Variants in CFAP47 observed in about 807,000 individuals in gnomAD.
CFAP47 encodes cilia- and flagella-associated protein 47.
CFAP47 carries 29 observed loss-of-function variants against 148.1 expected under a neutral mutation model. The ratio of observed to expected loss-of-function variants is 0.20; its 90% CI spans 0.15 to 0.27. The LOEUF (loss-of-function observed/expected upper bound fraction) is 0.27. Among genes scored for constraint, CFAP47 ranks in the 10% least tolerant of loss-of-function variants. The pLI is 1.00. For synonymous variants in CFAP47, 664 were observed against 577.3 expected, an observed-to-expected ratio of 1.15 and a Z score of -2.15; for missense variants, 1,872 against 1,697.5, an observed-to-expected ratio of 1.10 and a Z score of -1.81.
chrX:36,287,391 C>T (rs781877173), intron 51 of CFAP47, among the ~76,000 whole-genome samples: 1 of 111,046 alleles, frequency 9.0e-6, no homozygotes, highest in East Asian at 2.8e-4. Flanking sequence ...ATGTGTAACT[C>T]GTCTTACGCA....
intron 57 of CFAP47, among the ~76,000 whole-genome samples, chrX:36,341,486 G>T (rs1941653078): frequency 9.0e-6 from 1 of 111,146 alleles, no homozygotes; most frequent in African/African-American, 3.3e-5. Context: ...TGCCCAAGTT[G>T]AAATAATTTT....
chrX:36,027,330 G>A (rs867353132), intron 22 of CFAP47, among the ~76,000 whole-genome samples: 24 of 108,558 alleles, frequency 2.2e-4, no homozygotes, highest in African/African-American at 4.7e-4. Flanking sequence ...TTCAACCCTC[G>A]CCATCTCACA....
chrX:36,249,890 G>A (rs1470132523), intron 48 of CFAP47, among the ~76,000 whole-genome samples: 1 of 111,483 alleles, frequency 9.0e-6, no homozygotes, highest in Non-Finnish European at 1.9e-5. Flanking sequence ...AGTGTTTGAA[G>A]ATTCCTAGAA....
rs139622369 is a variant in CFAP47 at position 36,225,888 on chromosome X, A to T, written c.6818-2740A>T. 2.0e-3 allele frequency among the ~76,000 whole-genome samples: 226 copies of T among 111,111 alleles called. 1 individual carries two copies. Among genetic ancestry groups the T allele is most frequent in the African/African-American group, 6.9e-3 (211 of 30,628 alleles). ...TCTGGTCTTGAGAGCAAGTAGTTTGAGAGGTGATCCCAAAGCATAGGTAGG... is the reference window on the plus strand; with the variant it reads ...TCTGGTCTTGAGAGCAAGTAGTTTGTGAGGTGATCCCAAAGCATAGGTAGG... On this transcript the variant is annotated intron_variant, in intron 45 of 63. Transcript: ENST00000378653.
At chrX:36,107,428 A>C (rs979382582) in intron 33 of CFAP47, among the ~76,000 whole-genome samples, 2 of 112,543 alleles carry the variant, frequency 1.8e-5, no homozygotes, top group African/African-American at 3.2e-5. Context: ...CCAAGCTTTA[A>C]ATCCTATGTG....
intron 22 of CFAP47, among the ~76,000 whole-genome samples, chrX:36,015,561 C>T (rs1466303721): frequency 1.8e-5 from 2 of 111,180 alleles, no homozygotes; most frequent in African/African-American, 6.5e-5. Flanking sequence ...AGTATCATAT[C>T]AGTTAATAAT....
chrX:36,171,551 A>G (rs376397994), intron 39 of CFAP47, among the ~76,000 whole-genome samples: 2 of 108,835 alleles, frequency 1.8e-5, no homozygotes, highest in Non-Finnish European at 3.8e-5. Flanking sequence ...TTATTAAATA[A>G]GGAATCCTTT....
intron 45 of CFAP47, among the ~76,000 whole-genome samples, chrX:36,227,240 G>A (rs1271681479): frequency 9.0e-6 from 1 of 111,390 alleles, no homozygotes; most frequent in Non-Finnish European, 1.9e-5. Flanking sequence ...AACATTCTGA[G>A]AGCCTTTGAG....
At position 36,180,059 on chromosome X, in the gene CFAP47, G is replaced by A. The variant is rs367889471; in HGVS notation, c.6104+637G>A. 3.9e-4 allele frequency among the ~76,000 whole-genome samples: 44 copies of A among 111,551 alleles called. 1 individual carries two copies. The South Asian group carries it at 0.013, about 32-fold the overall frequency. ...GAGAACTTTTCACCACTCTGTGCACGTCCTTTAACACCATGAACGCACCAT... is the reference window on the plus strand; with the variant it reads ...GAGAACTTTTCACCACTCTGTGCACATCCTTTAACACCATGAACGCACCAT... On this transcript the variant is annotated intron_variant, in intron 40 of 63. Coordinates refer to ENST00000378653, the MANE Select transcript of CFAP47 (RefSeq NM_001304548.2).
intron 46 of CFAP47, among the ~76,000 whole-genome samples, chrX:36,230,381 T>C (rs1602057205): frequency 9.1e-6 from 1 of 109,458 alleles, no homozygotes; most frequent in Non-Finnish European, 1.9e-5. Flanking sequence ...CATTTTTTCA[T>C]GTGTTTTTTG....
chrX:36,174,485 G>A (rs1376835541), intron 39 of CFAP47, among the ~76,000 whole-genome samples: 3 of 109,620 alleles, frequency 2.7e-5, no homozygotes, highest in African/African-American at 6.7e-5. Flanking sequence ...AGCTCTTTTA[G>A]GGCAGGCCTG....
chrX:36,384,784 T>G lies in CFAP47; in HGVS notation c.9355-13T>G. ...GATATTTCAAATGAAAATTTCTCCCTCTTTCTATCCAGACAGAAGAAATGT... is the reference window on the plus strand; with the variant it reads ...GATATTTCAAATGAAAATTTCTCCCGCTTTCTATCCAGACAGAAGAAATGT... On this transcript the variant is annotated splice_polypyrimidine_tract_variant and intron_variant, in intron 63 of 63. Coordinates refer to ENST00000378653, the MANE Select transcript of CFAP47 (RefSeq NM_001304548.2). 8.8e-7 allele frequency: 1 copy of G among 1,139,654 alleles called. No homozygotes were observed. The highest frequency in any genetic ancestry group is 1.9e-5 in the South Asian group (1 of 51,816). The allele number at this position is 1,139,654 out of a possible 1,213,427, so 93.9% of individuals were successfully genotyped here.
chrX:36,294,399 T>C (rs1393679862), intron 51 of CFAP47, among the ~76,000 whole-genome samples: 1 of 110,886 alleles, frequency 9.0e-6, no homozygotes, highest in Non-Finnish European at 1.9e-5. Context: ...GAGAAGAAAG[T>C]GTTGATTGAT....
chrX:36,053,912 G>A (rs1290874921), intron 26 of CFAP47, among the ~76,000 whole-genome samples: 2 of 112,368 alleles, frequency 1.8e-5, no homozygotes, highest in Middle Eastern at 4.6e-3. Flanking sequence ...GTTAACACCA[G>A]GTAGCAGAAT....
chrX:35,987,806 G>A (rs774559924), intron 15 of CFAP47, among the ~76,000 whole-genome samples: 5 of 111,620 alleles, frequency 4.5e-5, no homozygotes, highest in Non-Finnish European at 9.4e-5. Context: ...TGTCTGGGCT[G>A]GAACGCACCA....
intron 56 of CFAP47, among the ~76,000 whole-genome samples, chrX:36,315,909 C>G (rs1941429668): frequency 9.0e-6 from 1 of 111,289 alleles, no homozygotes; most frequent in Non-Finnish European, 1.9e-5. Context: ...AGGTCACGTC[C>G]CAAATAACAG....
intron 26 of CFAP47, among the ~76,000 whole-genome samples, chrX:36,060,441 T>C (rs1313595163): frequency 1.8e-5 from 2 of 111,768 alleles, no homozygotes. Context: ...AAGAGAGATT[T>C]TGAAATTTCA....
At chrX:35,945,439 T>G (rs1324593586) in intron 3 of CFAP47, among the ~76,000 whole-genome samples, 1 of 111,090 alleles carries the variant, frequency 9.0e-6, no homozygotes, top group Non-Finnish European at 1.9e-5. Context: ...TTTACTTCAC[T>G]GACTACTCCT....
rs1303652564 is a variant in CFAP47, at chrX:36,306,787, C to T, written c.8098C>T (p.His2700Tyr). Reference protein sequence around the residue: ...NRKSQLIISPHSTTELPVLFY... With the variant: ...NRKSQLIISPYSTTELPVLFY... ...ATTTACACAGCTGATCATATCTCCT[C>T]ACTCCACCACAGAATTACCTGTTCT... is the stretch of plus-strand genomic sequence containing the variant. The change falls in exon 55 of 64, where the codon CAC becomes TAC. Residue 2700 changes from histidine (H) to tyrosine (Y), a missense_variant. Physicochemically the swap from His to Tyr is moderately conservative, Grantham distance 83. Transcript: ENST00000378653. The T allele has an allele frequency of 2.6e-6, 3 of 1,152,801 alleles. No homozygotes were observed. Among genetic ancestry groups the T allele is most frequent in the Non-Finnish European group, 3.5e-6 (3 of 863,251 alleles).
Sources: gnomAD v4.1 joint callset for allele counts (sites outside exome capture counted in the v4.1 genomes callset) on GRCh38, gnomAD v4.1.1 for gene constraint, MANE v1.5 for transcripts, NCBI Gene and HGNC (gene_info 2026-07-23, HGNC 2026-07-21) for gene names.